SANBR: variants seen among roughly 807,000 people sequenced by gnomAD.
SANBR encodes the protein SANT and BTB domain regulator of CSR.
Under a neutral mutation model 101.8 loss-of-function variants are expected in SANBR, and 77 were observed. The ratio of observed to expected loss-of-function variants is 0.76; its 90% CI spans 0.63 to 0.91. SANBR has a LOEUF of 0.91. SANBR is among the 40% of genes least tolerant of loss of function. The pLI is 0.00. For missense variants in SANBR, 875 were observed against 853.0 expected (o/e 1.03, Z -0.32); for synonymous variants, 279 against 274.7 (o/e 1.02, Z -0.15).
At chr2:61,075,674 G>T (rs1170393958) in intron 5 of SANBR, among the ~76,000 whole-genome samples, 1 of 152,050 alleles carries the variant, frequency 6.6e-6, no homozygotes, top group East Asian at 1.9e-4. Flanking sequence ...TAAGTACATT[G>T]TAGTCTTAGG....
chr2:61,074,350 TTTTAAAAATTCACCC>T (rs1348577040), intron 5 of SANBR, among the ~76,000 whole-genome samples: 3 of 152,208 alleles, frequency 2.0e-5, no homozygotes, highest in Non-Finnish European at 4.4e-5. Context: ...TTAACCACAG[TTTTAAAAATTCACCC>T]TTTTAAAGTG....
intron 11 of SANBR, among the ~76,000 whole-genome samples, chr2:61,094,834 G>A (rs930807688): frequency 6.6e-5 from 10 of 152,010 alleles, no homozygotes; most frequent in African/African-American, 2.4e-4. Context: ...TAGTAGAAAT[G>A]GGGTTTCACC....
intron 6 of SANBR, among the ~76,000 whole-genome samples, chr2:61,080,545 A>T (rs144791917): frequency 0.02 from 2,968 of 152,192 alleles, 95 homozygotes; most frequent in African/African-American, 0.067. Flanking sequence ...ACATGGTGAA[A>T]CCCTGTCTCT....
intron 11 of SANBR, chr2:61,093,165 ATAAAAC>A (rs2104905275): frequency 6.6e-6 from 1 of 152,284 alleles, no homozygotes; most frequent in South Asian, 2.1e-4. Context: ...TAAAAATAAA[ATAAAAC>A]TAGTGGCAAA....
At chr2:61,120,679 C>T (rs1327034425) in intron 20 of SANBR, among the ~76,000 whole-genome samples, 2 of 152,128 alleles carry the variant, frequency 1.3e-5, no homozygotes, top group African/African-American at 2.4e-5. Context: ...AAGCCTTGAT[C>T]GCACCACTGC....
intron 20 of SANBR, among the ~76,000 whole-genome samples, chr2:61,119,868 A>G (rs1220953907): frequency 1.3e-5 from 2 of 152,170 alleles, no homozygotes; most frequent in African/African-American, 4.8e-5. Flanking sequence ...AGACTGAAGT[A>G]GGAGGATCGC....
At chr2:61,100,819 A>G (rs1037803877) in intron 12 of SANBR, among the ~76,000 whole-genome samples, 8 of 152,200 alleles carry the variant, frequency 5.3e-5, no homozygotes, top group Admixed American at 1.3e-4. Flanking sequence ...TTGAGAGCTC[A>G]CTGGAGATTG....
downstream of SANBR, among the ~76,000 whole-genome samples, chr2:61,125,620 C>T (rs1684491803): frequency 2.0e-5 from 3 of 152,318 alleles, no homozygotes; most frequent in Middle Eastern, 0.01. Context: ...TAAGATGTAT[C>T]TTTCCTTGAG....
At chr2:61,134,440 C>T (rs751720149) in intron 21 of SANBR, among the ~76,000 whole-genome samples, 3 of 152,182 alleles carry the variant, frequency 2.0e-5, no homozygotes, top group Non-Finnish European at 4.4e-5. Context: ...TTGTTCAAGG[C>T]CCTGCTCAAA....
At chr2:61,090,718 T>TGTG (rs1682704248) in intron 10 of SANBR, 2 of 143,154 alleles carry the variant, frequency 1.4e-5, no homozygotes, top group African/African-American at 2.6e-5. Flanking sequence ...GGCACAGGGT[T>TGTG]TGTGTGTGTG....
intron 12 of SANBR, among the ~76,000 whole-genome samples, chr2:61,101,013 C>G (rs954403498): frequency 2.6e-5 from 4 of 152,156 alleles, no homozygotes; most frequent in African/African-American, 9.7e-5. Flanking sequence ...GTGAATGTTA[C>G]TGAATGATGG....
intron 2 of SANBR, among the ~76,000 whole-genome samples, chr2:61,070,033 A>T (rs1177280): frequency 0.77 from 116,408 of 152,078 alleles, 45,980 homozygotes; most frequent in African/African-American, 0.94. Flanking sequence ...TTACTTAACA[A>T]CTCTGAACCT....
intron 11 of SANBR, among the ~76,000 whole-genome samples, chr2:61,097,339 C>G (rs1310658665): frequency 6.6e-6 from 1 of 152,122 alleles, no homozygotes; most frequent in Non-Finnish European, 1.5e-5. Context: ...GAATTACACG[C>G]CATAAAATTT....
intron 11 of SANBR, 81 bp from the exon 12 acceptor site, chr2:61,097,619 A>G (rs757476829): frequency 1.8e-5 from 19 of 1,076,616 alleles, no homozygotes; most frequent in African/African-American, 4.7e-5. Context: ...AATGGAACAT[A>G]TAATATTTGG....
intron 6 of SANBR, among the ~76,000 whole-genome samples, chr2:61,079,132 G>T (rs1239485682): frequency 6.6e-6 from 1 of 151,768 alleles, no homozygotes; most frequent in Non-Finnish European, 1.5e-5. Flanking sequence ...CATATTTTTT[G>T]ATTTCCTCTA....
intron 12 of SANBR, among the ~76,000 whole-genome samples, chr2:61,098,158 C>T (rs1157485025): frequency 6.7e-6 from 1 of 148,336 alleles, no homozygotes; most frequent in Non-Finnish European, 1.5e-5. Context: ...GGGTGGAGTG[C>T]AGTGGTGCCA....
chr2:61,108,260 A>T (rs1384932790), intron 14 of SANBR, 57 bp from the exon 15 acceptor site: 1 of 1,078,914 alleles, frequency 9.3e-7, no homozygotes, highest in Non-Finnish European at 1.4e-6. Flanking sequence ...ATATCAAAAT[A>T]AGGAGCTGCA....
chr2:61,106,498 G>A (rs139899072), intron 13 of SANBR, 65 bp from the exon 14 acceptor site: 1 of 1,034,570 alleles, frequency 9.7e-7, no homozygotes, highest in Non-Finnish European at 1.4e-6. Flanking sequence ...GTAATAAAAA[G>A]ATATTCACAT....
At chr2:61,109,975 T>G (rs1683752250) in intron 16 of SANBR, among the ~76,000 whole-genome samples, 1 of 152,128 alleles carries the variant, frequency 6.6e-6, no homozygotes, top group Non-Finnish European at 1.5e-5. Flanking sequence ...ATTGTACAAC[T>G]ATAAAATTAA....
Sources: allele counts gnomAD v4.1 joint callset (sites outside exome capture counted in the v4.1 genomes callset), GRCh38; gene constraint gnomAD v4.1.1; transcripts MANE v1.5; gene names NCBI Gene and HGNC (gene_info 2026-07-23, HGNC 2026-07-21).